CALCB: variants seen among roughly 807,000 people sequenced by gnomAD.
The protein encoded by CALCB is calcitonin gene-related peptide 2.
A neutral mutation model predicts 10.7 loss-of-function variants in CALCB; 8 were observed. That is an observed-to-expected ratio of 0.75 (90% confidence interval 0.44 to 1.34). The LOEUF (loss-of-function observed/expected upper bound fraction) is 1.34. CALCB is among the 40% of genes most tolerant of loss of function. The pLI, the probability that CALCB is intolerant of heterozygous loss-of-function variation, is 0.01. For synonymous variants in CALCB, 76 were observed against 66.9 expected (o/e 1.14, Z -0.66); for missense variants, 176 against 162.5 (o/e 1.08, Z -0.45).
At chr11:15,074,909 A>G in intron 2 of CALCB, 105 bp downstream of exon 2, 2 of 1,366,670 alleles carry the variant, frequency 1.5e-6, no homozygotes. Flanking sequence ...ATCAGTGCCC[A>G]CAGGTGGACC....
intron 2 of CALCB, 26 bp from the exon 3 acceptor site, chr11:15,075,035 G>A (rs781194451): frequency 3.7e-6 from 6 of 1,613,822 alleles, no homozygotes; most frequent in Non-Finnish European, 5.1e-6. Flanking sequence ...CTCACAGCCT[G>A]CAAGGAGTTT....
chr11:15,075,148 G>C lies in CALCB; in HGVS notation c.174G>C (p.Val58=). Residue 58 remains valine, a synonymous_variant, in exon 3 of 5, where the codon GTG becomes GTC. Coordinates refer to ENST00000324229, the MANE Select transcript of CALCB (RefSeq NM_000728.4). ...TGGCTGCACTGGTGCAGGACTATGT[G>C]CAGATGAAGGCCAGTGAGCTGAAGC... ...LLLAALVQDY[V]QMKASELKQE... is the part of the protein sequence containing the mutation. 6.2e-7 allele frequency: 1 copy of C among 1,614,228 alleles called. No individual in the cohort carries two copies. Among genetic ancestry groups the C allele is most frequent in the Non-Finnish European group, 8.5e-7 (1 of 1,180,042 alleles).
intron 2 of CALCB, 90 bp downstream of exon 2, chr11:15,074,894 G>A (rs1051124289): frequency 7.9e-6 from 11 of 1,394,058 alleles, no homozygotes; most frequent in Non-Finnish European, 1.0e-5. Context: ...CGTGGCTCCT[G>A]GTGAATCAGT....
chr11:15,075,025 C>T (rs751502876), intron 2 of CALCB, 36 bp from the exon 3 acceptor site: 41 of 1,612,604 alleles, frequency 2.5e-5, no homozygotes, highest in Non-Finnish European at 3.4e-5. Context: ...CAGTCAGGGG[C>T]TCACAGCCTG....
rs1850383678 is a variant in CALCB, at chr11:15,075,215, GC to G, written c.224+20del. 1.2e-6 allele frequency: 2 copies of G among 1,613,806 alleles called. No individual in the cohort carries two copies. The highest frequency in any genetic ancestry group is 2.2e-5 in the South Asian group (2 of 91,040). On this transcript the variant is annotated intron_variant, in intron 3 of 4. Coordinates refer to ENST00000324229, the MANE Select transcript of CALCB (RefSeq NM_000728.4). ...GGGCTCCAGGTGAGGTTCCCCAAGC[GC>G]CCAGCACAGGGACTCCTCTCCCCGC...
intron 3 of CALCB, among the ~76,000 whole-genome samples, chr11:15,076,033 G>A (rs1192390177): frequency 6.6e-6 from 1 of 152,116 alleles, no homozygotes; most frequent in South Asian, 2.1e-4. Flanking sequence ...TCCTAATGGA[G>A]TGTGTGTGAG....
At chr11:15,075,281 A>G in intron 3 of CALCB, 83 bp downstream of exon 3, 5 of 1,600,564 alleles carry the variant, frequency 3.1e-6, no homozygotes, top group Admixed American at 3.4e-5. Flanking sequence ...GCAGGAGAGA[A>G]CACACTGGCA....
Position 15,074,758 on chromosome 11 carries a change from A to G in CALCB, c.40A>G (p.Ile14Val). Reference protein sequence around the residue: ...RKFSPFLALSILVLYQAGSLQ... With the variant: ...RKFSPFLALSVLVLYQAGSLQ... ...GTTCTCCCCCTTCCTGGCTCTCAGT[A>G]TCTTGGTCCTGTACCAGGCGGGCAG... Residue 14 changes from isoleucine (I) to valine (V), a missense_variant, in exon 2 of 5, where the codon ATC becomes GTC. Physicochemically the swap from Ile to Val is conservative, Grantham distance 29. Coordinates refer to ENST00000324229, the MANE Select transcript of CALCB (RefSeq NM_000728.4). 1.2e-6 allele frequency: 2 copies of G among 1,614,106 alleles called. No homozygotes were observed. The highest frequency in any genetic ancestry group is 8.5e-7 in the Non-Finnish European group (1 of 1,179,994).
At chr11:15,076,640 G>A (rs551137202) in intron 3 of CALCB, among the ~76,000 whole-genome samples, 16 of 152,338 alleles carry the variant, frequency 1.1e-4, no homozygotes, top group Non-Finnish European at 1.8e-4. Flanking sequence ...AAATAAGCAC[G>A]TCCTTAATGC....
In CALCB at chr11:15,077,435, T is replaced by C; in HGVS notation, c.374T>C (p.Leu125Pro). ...SKAFGRRRRD[L>P]QA ...GCCTTTGGCAGGCGCCGCAGGGACCTTCAAGCCTGAGCAGATGAATGACTC... is the reference window on the plus strand; with the variant it reads ...GCCTTTGGCAGGCGCCGCAGGGACCCTCAAGCCTGAGCAGATGAATGACTC... The change falls in exon 4 of 5, where the codon CTT (leucine) becomes CCT (proline). Residue 125 changes from leucine to proline, a missense_variant. Leu to Pro is a moderately conservative substitution (Grantham distance 98, BLOSUM62 -3). Coordinates refer to ENST00000324229, the MANE Select transcript of CALCB (RefSeq NM_000728.4). 2 of 1,614,146 alleles carry C rather than the reference T, an allele frequency of 1.2e-6. No homozygotes were observed. Among genetic ancestry groups the C allele is most frequent in the Non-Finnish European group, 1.7e-6 (2 of 1,180,036 alleles).
At position 15,075,348 on chromosome 11, in the gene CALCB, A is replaced by G. The variant is rs566079023; in HGVS notation, c.224+150A>G. 87 of 1,358,360 alleles carry G rather than the reference A, an allele frequency of 6.4e-5. No individual in the cohort carries two copies. In the African/African-American group the frequency reaches 1.0e-3, roughly 16 times the overall value. 84.1% of individuals were successfully genotyped at this position (1,358,360 alleles called of 1,614,324 possible). A position where few individuals can be genotyped will look rare whatever the true frequency, so the allele number is the denominator to read the frequency against. On this transcript the variant is annotated intron_variant, in intron 3 of 4. Coordinates refer to ENST00000324229, the MANE Select transcript of CALCB (RefSeq NM_000728.4). Reference sequence around the variant, plus strand: ...CTCCCTTTCTCAAGTTCCAAGGGAGACAGAGGTCCCAGTGCACCTGGAGGG... The same window carrying G: ...CTCCCTTTCTCAAGTTCCAAGGGAGGCAGAGGTCCCAGTGCACCTGGAGGG...
rs1393895916 is a variant in CALCB, at chr11:15,074,799, AT to A, written c.83del (p.Phe28SerfsTer33). 1.1e-5 allele frequency: 17 copies of A among 1,613,392 alleles called. No individual in the cohort carries two copies. The highest frequency in any genetic ancestry group is 1.4e-5 in the Non-Finnish European group (17 of 1,179,662). The part of the protein sequence containing the change: ...YQAGSLQAAP[F>X]RSALESSPDP... ...AGGCGGGCAGCCTCCAGGCGGCGCCATTCAGGTGAGACAGCCTGGAGCCAGA... is the reference window on the plus strand; with the variant it reads ...AGGCGGGCAGCCTCCAGGCGGCGCCATCAGGTGAGACAGCCTGGAGCCAGA... On this transcript the variant is annotated frameshift_variant, in exon 2 of 5. Coordinates refer to ENST00000324229, the MANE Select transcript of CALCB (RefSeq NM_000728.4). LOFTEE classifies it high-confidence loss of function.
In CALCB at chr11:15,077,385, C is replaced by A; in HGVS notation, c.324C>A (p.Phe108Leu). 1 of 1,614,214 alleles carries A rather than the reference C, an allele frequency of 6.2e-7. No homozygotes were observed. The highest frequency in any genetic ancestry group is 2.2e-5 in the East Asian group (1 of 44,880). ...SRSGGMVKSN[F>L]VPTNVGSKAF... ...CAGGGGGCATGGTGAAGAGCAACTT[C>A]GTGCCCACCAATGTGGGTTCCAAAG... Residue 108 changes from phenylalanine (F) to leucine (L), a missense_variant, in exon 4 of 5, where the codon TTC becomes TTA. By Grantham distance (22) the Phe-to-Leu change is conservative (BLOSUM62 0). Coordinates refer to ENST00000324229, the MANE Select transcript of CALCB (RefSeq NM_000728.4).
chr11:15,077,538 C>A, intron 4 of CALCB, 68 bp downstream of exon 4: 1 of 1,489,982 alleles, frequency 6.7e-7, no homozygotes, highest in Non-Finnish European at 9.1e-7. Context: ...ATTTTGAAAA[C>A]CTCTGCTCTG....
chr11:15,076,499 C>T lies in CALCB; in HGVS notation c.225-787C>T, dbSNP rs138496272. Among the ~76,000 whole-genome samples the T allele has an allele frequency of 7.7e-3, 1,176 of 152,224 alleles. 14 individuals carry two copies. The highest frequency in any genetic ancestry group is 0.027 in the African/African-American group (1,128 of 41,512). On this transcript the variant is annotated intron_variant, in intron 3 of 4. Coordinates refer to ENST00000324229, the MANE Select transcript of CALCB (RefSeq NM_000728.4). ...ATGACAGAGAATGTTTTGAAGACCT[C>T]AGGATGGAAGGGAAGACAGCAGGAC...
chr11:15,075,206 T>TC lies in CALCB; in HGVS notation c.224+12dup. The TC allele has an allele frequency of 1.2e-6, 2 of 1,613,852 alleles. No homozygotes were observed. The highest frequency in any genetic ancestry group is 1.7e-6 in the Non-Finnish European group (2 of 1,180,000). ...GGAGACACAGGGCTCCAGGTGAGGT[T>TC]CCCCAAGCGCCCAGCACAGGGACTC... On this transcript the variant is annotated intron_variant, in intron 3 of 4. Coordinates refer to ENST00000324229, the MANE Select transcript of CALCB (RefSeq NM_000728.4).
rs1483545105 is a variant in CALCB at position 15,078,617 on chromosome 11, A to C, written c.*560A>C. On this transcript the variant is annotated 3_prime_UTR_variant, in exon 5 of 5. Transcript: ENST00000324229. ...AATGATGATGATGATGATAATAATA[A>C]ATATTTTTGAGTGCTTACTATGTAT... 1.3e-5 allele frequency: 2 copies of C among 152,170 alleles called. No individual in the cohort carries two copies. The highest frequency in any genetic ancestry group is 4.8e-5 in the African/African-American group (2 of 41,450). The allele number at this position is 152,170 out of a possible 1,614,324, so 9.4% of individuals were successfully genotyped here.
intron 4 of CALCB, among the ~76,000 whole-genome samples, chr11:15,077,811 T>G (rs1212386488): frequency 2.0e-5 from 3 of 152,234 alleles, no homozygotes; most frequent in Admixed American, 2.0e-4. Context: ...TAAGCTGTAA[T>G]CATAACCTAC....
At chr11:15,074,658 C>T in intron 1 of CALCB, 52 bp from the exon 2 acceptor site, 1 of 1,421,402 alleles carries the variant, frequency 7.0e-7, no homozygotes, top group South Asian at 1.2e-5. Context: ...AGAGGCAGGA[C>T]TGGAACCTAG....
Sources: allele counts gnomAD v4.1 joint callset (sites outside exome capture counted in the v4.1 genomes callset), GRCh38; gene constraint gnomAD v4.1.1; transcripts MANE v1.5; gene names NCBI Gene and HGNC (gene_info 2026-07-23, HGNC 2026-07-21).